Variants in SNTG2 observed in about 807,000 individuals in gnomAD.
SNTG2 encodes syntrophin gamma 2.
Under a neutral mutation model 70.9 loss-of-function variants are expected in SNTG2, and 74 were observed. The ratio of observed to expected loss-of-function variants is 1.04; its 90% CI spans 0.86 to 1.27. The LOEUF (loss-of-function observed/expected upper bound fraction) is 1.27. SNTG2 is among the 50% of genes most tolerant of loss of function. SNTG2 has a pLI of 0.00. For missense variants in SNTG2, 717 were observed against 690.7 expected (o/e 1.04, Z -0.43); for synonymous variants, 278 against 273.8 (o/e 1.02, Z -0.15).
chr2:1,036,887 G>A (rs1396594112), intron 1 of SNTG2, among the ~76,000 whole-genome samples: 1 of 152,174 alleles, frequency 6.6e-6, no homozygotes, highest in Non-Finnish European at 1.5e-5. Flanking sequence ...TATTAGCCTG[G>A]TGAGAACAGG....
chr2:1,045,281 C>G (rs1661669310), intron 1 of SNTG2, among the ~76,000 whole-genome samples: 1 of 151,830 alleles, frequency 6.6e-6, no homozygotes, highest in Admixed American at 6.6e-5. Flanking sequence ...GATCTTCTCT[C>G]TTACTTCCTT....
intron 4 of SNTG2, among the ~76,000 whole-genome samples, chr2:1,132,251 A>ACG (rs748844719): frequency 1.6e-4 from 25 of 151,750 alleles, no homozygotes; most frequent in Admixed American, 3.3e-4. Flanking sequence ...ATATATACAC[A>ACG]CACACACACA....
At chr2:1,298,356 A>G (rs1198084253) in intron 14 of SNTG2, among the ~76,000 whole-genome samples, 2 of 151,650 alleles carry the variant, frequency 1.3e-5, no homozygotes, top group East Asian at 1.9e-4. Flanking sequence ...CTGGTCTCAA[A>G]CTCCTGGGCT....
intron 16 of SNTG2, among the ~76,000 whole-genome samples, chr2:1,342,391 C>CAGCCCTGCCGA (rs1660161465): frequency 1.8e-5 from 1 of 56,738 alleles, no homozygotes; most frequent in Admixed American, 1.8e-4. Flanking sequence ...CCTGGCCCAG[C>CAGCCCTGCCGA]TCTGTAGGAC....
At chr2:980,129 T>C (rs5020131) in intron 1 of SNTG2, among the ~76,000 whole-genome samples, 46,246 of 151,924 alleles carry the variant, frequency 0.3, 7,419 homozygotes, top group Middle Eastern at 0.4. Context: ...AATTCCAAAT[T>C]ACCATCCTCC....
At chr2:1,009,850 A>G (rs947816538) in intron 1 of SNTG2, among the ~76,000 whole-genome samples, 2 of 152,034 alleles carry the variant, frequency 1.3e-5, no homozygotes, top group African/African-American at 4.8e-5. Flanking sequence ...TCCCTTCCCT[A>G]TGTTCCTATT....
At chr2:1,259,162 A>G (rs1278872251) in intron 12 of SNTG2, among the ~76,000 whole-genome samples, 1 of 152,222 alleles carries the variant, frequency 6.6e-6, no homozygotes, top group Non-Finnish European at 1.5e-5. Flanking sequence ...AGGATCTATT[A>G]TATTTGCCAC....
At chr2:1,070,578 A>C (rs1319762964) in intron 1 of SNTG2, among the ~76,000 whole-genome samples, 1 of 152,224 alleles carries the variant, frequency 6.6e-6, no homozygotes, top group Non-Finnish European at 1.5e-5. Context: ...AAAGCTAAAT[A>C]TCTTACTTAC....
At chr2:1,088,484 C>T (rs1307207053) in intron 2 of SNTG2, among the ~76,000 whole-genome samples, 4 of 152,200 alleles carry the variant, frequency 2.6e-5, no homozygotes, top group African/African-American at 4.8e-5. Context: ...CTGATGGACA[C>T]CTCGGCCTGT....
chr2:1,084,554 C>G (rs1324925634), intron 2 of SNTG2, among the ~76,000 whole-genome samples: 1 of 152,156 alleles, frequency 6.6e-6, no homozygotes, highest in Non-Finnish European at 1.5e-5. Context: ...TTGCTCTTCC[C>G]TGGAACCCCA....
At chr2:1,092,168 TGGG>T (rs1665069389) in intron 2 of SNTG2, among the ~76,000 whole-genome samples, 1 of 152,232 alleles carries the variant, frequency 6.6e-6, no homozygotes, top group South Asian at 2.1e-4. Context: ...CTTTCATGTG[TGGG>T]TGTGAAATAG....
At chr2:1,367,302 C>T (rs1434828002) in intron 16 of SNTG2, 41 bp from the exon 17 acceptor site, 2 of 1,484,598 alleles carry the variant, frequency 1.3e-6, no homozygotes, top group East Asian at 5.1e-5. Flanking sequence ...CGTGTTCTTC[C>T]AACAATTATA....
chr2:1,007,806 C>T (rs1018739100), intron 1 of SNTG2, among the ~76,000 whole-genome samples: 2 of 152,284 alleles, frequency 1.3e-5, no homozygotes, highest in Middle Eastern at 3.4e-3. Context: ...GACTCTCACT[C>T]GATGTCACCC....
intron 14 of SNTG2, among the ~76,000 whole-genome samples, chr2:1,282,131 T>C (rs1440458138): frequency 6.6e-6 from 1 of 152,198 alleles, no homozygotes; most frequent in African/African-American, 2.4e-5. Flanking sequence ...ACCTTACTTA[T>C]TGGCTTTGGT....
chr2:1,191,822 A>G (rs1358907652), intron 8 of SNTG2, among the ~76,000 whole-genome samples: 1 of 152,114 alleles, frequency 6.6e-6, no homozygotes, highest in East Asian at 1.9e-4. Flanking sequence ...TTGTTAGTCC[A>G]GTGGTAGCTT....
At chr2:1,052,220 A>G (rs1662117832) in intron 1 of SNTG2, among the ~76,000 whole-genome samples, 1 of 152,134 alleles carries the variant, frequency 6.6e-6, no homozygotes, top group Non-Finnish European at 1.5e-5. Flanking sequence ...TATTTATGAA[A>G]TATTTAGAGG....
chr2:1,067,670 C>T (rs895095880), intron 1 of SNTG2, among the ~76,000 whole-genome samples: 7 of 152,144 alleles, frequency 4.6e-5, no homozygotes, highest in Non-Finnish European at 8.8e-5. Flanking sequence ...GAGCAGCACA[C>T]GTCTCAGTAT....
intron 6 of SNTG2, among the ~76,000 whole-genome samples, chr2:1,147,799 C>T (rs1439751691): frequency 6.6e-6 from 1 of 152,172 alleles, no homozygotes; most frequent in Non-Finnish European, 1.5e-5. Flanking sequence ...GCATGAAATG[C>T]GGTGTTGCCC....
At chr2:983,280 GCTCTC>G (rs1661189132) in intron 1 of SNTG2, among the ~76,000 whole-genome samples, 9 of 115,850 alleles carry the variant, frequency 7.8e-5, no homozygotes, top group Non-Finnish European at 1.4e-4. Context: ...TGAAGCAGAG[GCTCTC>G]TTCCATAGAA....
Sources: gnomAD v4.1 joint callset for allele counts (sites outside exome capture counted in the v4.1 genomes callset) on GRCh38, gnomAD v4.1.1 for gene constraint, MANE v1.5 for transcripts, NCBI Gene and HGNC (gene_info 2026-07-23, HGNC 2026-07-21) for gene names.